LPP: variants seen among roughly 807,000 people sequenced by gnomAD.
LPP encodes lipoma-preferred partner.
LPP carries 38 observed loss-of-function variants against 60.4 expected under a neutral mutation model. The ratio of observed to expected loss-of-function variants is 0.63; its 90% CI spans 0.49 to 0.83. The LOEUF is 0.83. Among genes scored for constraint, LPP ranks in the 40% least tolerant of loss-of-function variants. The probability of loss-of-function intolerance (pLI) is 0.00; values close to 1 mark genes in which losing one functional copy is unlikely to be tolerated. For synonymous variants in LPP, 328 were observed against 290.8 expected, an observed-to-expected ratio of 1.13 and a Z score of -1.30; for missense variants, 902 against 783.6, an observed-to-expected ratio of 1.15 and a Z score of -1.80.
In LPP at chr3:188,163,277, G is replaced by T. The variant is rs558383016; in HGVS notation, c.-190+9025G>T. 1.7e-4 allele frequency among the ~76,000 whole-genome samples: 26 copies of T among 152,314 alleles called. No individual in the cohort carries two copies. In the South Asian group the frequency reaches 2.5e-3, roughly 15 times the overall value. On this transcript the variant is annotated intron_variant, in intron 1 of 11. Transcript: ENST00000617246. ...AACCAGGTCTTCTTCAGAAACTTGTGTGGGAACCTTTCATGGGCTGGATAA... is the reference window on the plus strand; with the variant it reads ...AACCAGGTCTTCTTCAGAAACTTGTTTGGGAACCTTTCATGGGCTGGATAA...
chr3:188,704,207 C>T (rs1156863599), intron 7 of LPP, among the ~76,000 whole-genome samples: 1 of 152,138 alleles, frequency 6.6e-6, no homozygotes, highest in Non-Finnish European at 1.5e-5. Context: ...AGGTGTAGGT[C>T]ACTTCCCAAC....
At chr3:188,655,959 G>T (rs1853103831) in intron 7 of LPP, among the ~76,000 whole-genome samples, 1 of 151,920 alleles carries the variant, frequency 6.6e-6, no homozygotes, top group African/African-American at 2.4e-5. Context: ...GGAGGCCAAG[G>T]TGGGTGGATT....
At chr3:188,840,415 C>G (rs555147346) in intron 9 of LPP, among the ~76,000 whole-genome samples, 1 of 152,308 alleles carries the variant, frequency 6.6e-6, no homozygotes, top group African/African-American at 2.4e-5. Context: ...TTACATCATC[C>G]TTTGTAATGG....
chr3:188,754,818 A>G lies in LPP; in HGVS notation c.1241-5295A>G, dbSNP rs531243476. On this transcript the variant is annotated intron_variant, in intron 8 of 11. Transcript: ENST00000617246. ...AAAGCTTTGGTGATAAGAAAATGCCACCATCCTAGAGCCTTCAGTTAACAT... is the reference window on the plus strand; with the variant it reads ...AAAGCTTTGGTGATAAGAAAATGCCGCCATCCTAGAGCCTTCAGTTAACAT... 1.6e-4 allele frequency among the ~76,000 whole-genome samples: 24 copies of G among 152,308 alleles called. No homozygotes were observed. The South Asian group carries it at 5.0e-3, about 32-fold the overall frequency.
chr3:188,391,686 A>G (rs180710679), intron 3 of LPP, among the ~76,000 whole-genome samples: 2 of 152,206 alleles, frequency 1.3e-5, no homozygotes, highest in Non-Finnish European at 2.9e-5. Flanking sequence ...TGAAGCCACC[A>G]TGGGAATTAC....
Position 188,410,337 on chromosome 3 carries a change from T to G in LPP, c.193+4024T>G, listed in dbSNP as rs543952346. On this transcript the variant is annotated intron_variant, in intron 4 of 11. Coordinates refer to ENST00000617246, the MANE Select transcript of LPP (RefSeq NM_001375462.1). ...CTATGCCCATTCTTTGAACTTACAT[T>G]TCTCACCTTGGTGTTACGTCTGTAA... Among the ~76,000 whole-genome samples the G allele has an allele frequency of 2.6e-5, 4 of 152,342 alleles. No homozygotes were observed. In the South Asian group the frequency reaches 8.3e-4, roughly 32 times the overall value.
chr3:188,524,733 C>T lies in LPP; in HGVS notation c.375C>T (p.Thr125=). Residue 125 remains threonine (T), a synonymous_variant, in exon 6 of 12, where the codon ACC becomes ACT. Transcript: ENST00000617246. ...TGGACGCTGAGATTGACTCCTTGAC[C>T]AGCATCTTGGCTGACCTTGAGTGCA... ...SSLDAEIDSL[T]SILADLECSS... The T allele has an allele frequency of 6.2e-6, 10 of 1,614,110 alleles. No homozygotes were observed. The highest frequency in any genetic ancestry group is 8.5e-6 in the Non-Finnish European group (10 of 1,179,988).
At chr3:188,245,779 T>TGATCCTCCCACCTCGGC (rs1726730151) in intron 2 of LPP, among the ~76,000 whole-genome samples, 1 of 152,064 alleles carries the variant, frequency 6.6e-6, no homozygotes, top group Non-Finnish European at 1.5e-5. Context: ...CTGAGCTCGG[T>TGATCCTCCCACCTCGGC]GATCCTCCCA....
intron 7 of LPP, chr3:188,688,643 T>G: frequency 2.6e-6 from 1 of 386,192 alleles, no homozygotes; most frequent in South Asian, 2.0e-5. Flanking sequence ...TGAAGTCAGA[T>G]GAGTAATATA....
chr3:188,657,148 G>T (rs1853397480), intron 7 of LPP, among the ~76,000 whole-genome samples: 1 of 151,122 alleles, frequency 6.6e-6, no homozygotes. Flanking sequence ...GTTTTAAGTT[G>T]TCTAAGGAGA....
At chr3:188,679,519 C>CTGTGTGTGTGTGTG (rs56733573) in intron 7 of LPP, among the ~76,000 whole-genome samples, 21 of 143,204 alleles carry the variant, frequency 1.5e-4, no homozygotes, top group African/African-American at 4.7e-4. Context: ...TTTGAATACT[C>CTGTGTGTGTGTGTG]TGTGTGTGTG....
At chr3:188,291,455 C>T (rs556377406) in intron 2 of LPP, among the ~76,000 whole-genome samples, 9 of 151,728 alleles carry the variant, frequency 5.9e-5, no homozygotes, top group East Asian at 1.9e-4. Flanking sequence ...CTGGCTAACA[C>T]GGTGAAACCC....
intron 9 of LPP, among the ~76,000 whole-genome samples, chr3:188,783,340 G>T (rs1453045086): frequency 6.6e-6 from 1 of 152,134 alleles, no homozygotes; most frequent in Non-Finnish European, 1.5e-5. Flanking sequence ...TAAAGAAAAT[G>T]TGGTACATAT....
chr3:188,418,437 AC>A (rs1434621259), intron 4 of LPP, among the ~76,000 whole-genome samples: 1 of 152,046 alleles, frequency 6.6e-6, no homozygotes, highest in African/African-American at 2.4e-5. Context: ...AGTTATTATC[AC>A]CCTCAATCTG....
At chr3:188,816,183 G>A (rs1021951706) in intron 9 of LPP, among the ~76,000 whole-genome samples, 2 of 143,078 alleles carry the variant, frequency 1.4e-5, no homozygotes, top group African/African-American at 5.1e-5. Flanking sequence ...AGCCTGAATT[G>A]TAAGGCTTCC....
chr3:188,470,365 TCA>T (rs1364723674), intron 4 of LPP, among the ~76,000 whole-genome samples: 1 of 151,410 alleles, frequency 6.6e-6, no homozygotes, highest in Non-Finnish European at 1.5e-5. Context: ...TGGTAGTCAC[TCA>T]GTTTCTCAAT....
intron 2 of LPP, among the ~76,000 whole-genome samples, chr3:188,337,283 C>T (rs970333398): frequency 6.6e-6 from 1 of 152,174 alleles, no homozygotes; most frequent in Non-Finnish European, 1.5e-5. Flanking sequence ...GCAGTAGCTG[C>T]GCAGGCCACA....
intron 5 of LPP, among the ~76,000 whole-genome samples, chr3:188,499,003 T>G (rs911761805): frequency 6.6e-6 from 1 of 152,190 alleles, no homozygotes; most frequent in African/African-American, 2.4e-5. Context: ...GAATTTGACT[T>G]TTTTTTCTTT....
chr3:188,237,123 G>T (rs1722209451), intron 2 of LPP, among the ~76,000 whole-genome samples: 2 of 152,026 alleles, frequency 1.3e-5, no homozygotes, highest in South Asian at 4.2e-4. Flanking sequence ...TTCACCAGGG[G>T]TAATTTCCAT....
Sources: gnomAD v4.1 joint callset for allele counts (sites outside exome capture counted in the v4.1 genomes callset) on GRCh38, gnomAD v4.1.1 for gene constraint, MANE v1.5 for transcripts, NCBI Gene and HGNC (gene_info 2026-07-23, HGNC 2026-07-21) for gene names.